LPIN1: variants seen among roughly 807,000 people sequenced by gnomAD.
The protein encoded by LPIN1 is lipin 1.
LPIN1 carries 71 observed loss-of-function variants against 107.5 expected under a neutral mutation model. The observed-to-expected ratio is 0.66, with a 90% CI of 0.55 to 0.80. The LOEUF is 0.80. Ranked by LOEUF, LPIN1 falls within the 30% of genes least tolerant of loss-of-function variation. The pLI is 0.00. For synonymous variants in LPIN1, 445 were observed against 452.6 expected (o/e 0.98, Z 0.21); for missense variants, 1,043 against 1,160.6 (o/e 0.90, Z 1.47).
At position 11,824,754 on chromosome 2, in the gene LPIN1, C is replaced by T. The variant is rs771771801; in HGVS notation, c.2744C>T (p.Pro915Leu). 1.2e-6 allele frequency: 2 copies of T among 1,614,218 alleles called. No individual in the cohort carries two copies. Among genetic ancestry groups the T allele is most frequent in the South Asian group, 1.1e-5 (1 of 91,084 alleles). The change falls in exon 21 of 21, where the codon CCT (proline) becomes CTT (leucine). Residue 915 changes from proline to leucine, a missense_variant. Physicochemically the swap from Pro to Leu is moderately conservative, Grantham distance 98 (BLOSUM62 -3). Coordinates refer to ENST00000674199, the MANE Select transcript of LPIN1 (RefSeq NM_001349206.2). ...ACCTTTTGGAGAGAGCCACTGCCAC[C>T]TTTTGAAAACCAGGACATTCATTCT... Reference protein sequence around the residue: ...NFTFWREPLPPFENQDIHSAS... With the variant: ...NFTFWREPLPLFENQDIHSAS...
intron 14 of LPIN1, among the ~76,000 whole-genome samples, chr2:11,798,236 T>A (rs1401779276): frequency 6.6e-6 from 1 of 152,192 alleles, no homozygotes; most frequent in Non-Finnish European, 1.5e-5. Context: ...TATTTCTTCA[T>A]AGCAGTGTGA....
intron 1 of LPIN1, among the ~76,000 whole-genome samples, chr2:11,694,531 C>G (rs1662474874): frequency 2.0e-5 from 3 of 152,178 alleles, no homozygotes; most frequent in Admixed American, 2.0e-4. Flanking sequence ...AAATCCTGGG[C>G]TGGTTTCCTT....
At chr2:11,731,191 T>G (rs967069918) in intron 1 of LPIN1, among the ~76,000 whole-genome samples, 2 of 152,212 alleles carry the variant, frequency 1.3e-5, no homozygotes, top group African/African-American at 4.8e-5. Flanking sequence ...AAGCCCTGCA[T>G]GCGTTAAGTA....
upstream of LPIN1, among the ~76,000 whole-genome samples, chr2:11,744,034 C>T (rs1666635020): frequency 6.6e-6 from 1 of 152,260 alleles, no homozygotes; most frequent in Non-Finnish European, 1.5e-5. Context: ...CCTTTTTCAT[C>T]CTCAAAGCAG....
intron 1 of LPIN1, among the ~76,000 whole-genome samples, chr2:11,698,910 A>C (rs1662725729): frequency 6.6e-6 from 1 of 152,252 alleles, no homozygotes; most frequent in South Asian, 2.1e-4. Flanking sequence ...CCTTCAAATC[A>C]GCGTCCCCTT....
At chr2:11,731,512 G>T (rs1209561305) in intron 1 of LPIN1, among the ~76,000 whole-genome samples, 3 of 152,132 alleles carry the variant, frequency 2.0e-5, no homozygotes, top group Non-Finnish European at 4.4e-5. Flanking sequence ...CTTTGCTATT[G>T]TAAATAGTGC....
chr2:11,790,114 C>A (rs1385516305), intron 12 of LPIN1, among the ~76,000 whole-genome samples: 1 of 152,134 alleles, frequency 6.6e-6, no homozygotes, highest in Non-Finnish European at 1.5e-5. Context: ...TTCGAAAGAT[C>A]TTAAAATCTT....
At chr2:11,785,596 G>T (rs1170578843) in intron 10 of LPIN1, among the ~76,000 whole-genome samples, 1 of 152,170 alleles carries the variant, frequency 6.6e-6, no homozygotes, top group Non-Finnish European at 1.5e-5. Flanking sequence ...CCCCCAGTGG[G>T]TGCAGTCAGC....
At chr2:11,683,840 C>T (rs1232451123) in intron 1 of LPIN1, among the ~76,000 whole-genome samples, 1 of 152,204 alleles carries the variant, frequency 6.6e-6, no homozygotes, top group Non-Finnish European at 1.5e-5. Context: ...GGCTTGGAAT[C>T]CTGGCTCTGC....
chr2:11,764,103 T>TATACACAC (rs1553422099), intron 1 of LPIN1: 40 of 121,800 alleles, frequency 3.3e-4, no homozygotes, highest in Non-Finnish European at 4.3e-4. Context: ...TATATATATA[T>TATACACAC]ACACACACAC....
At chr2:11,787,944 A>G (rs1305856208) in intron 11 of LPIN1, among the ~76,000 whole-genome samples, 5 of 151,558 alleles carry the variant, frequency 3.3e-5, no homozygotes, top group African/African-American at 1.2e-4. Context: ...CTGTCTCAAA[A>G]AAAAAAAAAA....
rs1682415599 is a variant in LPIN1, at chr2:11,826,653, T to C, written c.*1862T>C. The C allele has an allele frequency of 6.6e-6, 1 of 152,042 alleles. No individual in the cohort carries two copies. The highest frequency in any genetic ancestry group is 2.1e-4 in the South Asian group (1 of 4,824). 9.4% of individuals were successfully genotyped at this position (152,042 alleles called of 1,614,324 possible). ...AATTTTAACTGCTCTGAACTAAGTA[T>C]AAGCTCATGGGCCTGCAAAGGTTCA... On this transcript the variant is annotated 3_prime_UTR_variant, in exon 21 of 21. Transcript: ENST00000674199.
rs994029639 is a variant in LPIN1 at position 11,707,679 on chromosome 2, G to A, written c.82-6077G>A. Among the ~76,000 whole-genome samples the A allele has an allele frequency of 2.0e-5, 3 of 152,270 alleles. No homozygotes were observed. The highest frequency in any genetic ancestry group is 4.1e-4 in the South Asian group (2 of 4,820). On this transcript the variant is annotated intron_variant, in intron 1 of 21. Coordinates refer to the LPIN1 transcript ENST00000449576. This position sits in a 1 kb window ranked among gnomAD's most constrained non-coding sequence, Gnocchi z 4.2. ...GAAGTGCTCGGGGTCCCCCACTGGAGGTGGAGCTGCAGGATTTGCTTGTGA... is the reference window on the plus strand; with the variant it reads ...GAAGTGCTCGGGGTCCCCCACTGGAAGTGGAGCTGCAGGATTTGCTTGTGA...
At chr2:11,708,198 C>G (rs1326140851) in intron 1 of LPIN1, among the ~76,000 whole-genome samples, 1 of 152,178 alleles carries the variant, frequency 6.6e-6, no homozygotes. Flanking sequence ...GTTGGCCCCC[C>G]GACAGCTGGA....
At chr2:11,740,611 T>C (rs553390500) in intron 1 of LPIN1, among the ~76,000 whole-genome samples, 34 of 142,970 alleles carry the variant, frequency 2.4e-4, no homozygotes, top group African/African-American at 8.6e-4. Context: ...TTGAACCTGG[T>C]AGGTGGAGGT....
intron 13 of LPIN1, among the ~76,000 whole-genome samples, chr2:11,794,560 ACAGT>A (rs1676336842): frequency 6.6e-6 from 1 of 152,242 alleles, no homozygotes; most frequent in African/African-American, 2.4e-5. Context: ...ATATGTTAAG[ACAGT>A]CAGCCTATTA....
intron 1 of LPIN1, among the ~76,000 whole-genome samples, chr2:11,754,957 GTCT>G (rs1285843945): frequency 1.3e-5 from 2 of 151,702 alleles, no homozygotes; most frequent in African/African-American, 2.4e-5. Context: ...AATTCCTGCT[GTCT>G]TCTTCATTTC....
intron 1 of LPIN1, among the ~76,000 whole-genome samples, chr2:11,740,148 G>A (rs923550766): frequency 2.6e-5 from 4 of 152,110 alleles, no homozygotes; most frequent in African/African-American, 7.2e-5. Context: ...GTCCAAGCGC[G>A]GGAGAAGGAG....
intron 1 of LPIN1, chr2:11,764,095 T>TACACAC (rs1364604827): frequency 8.2e-6 from 1 of 121,408 alleles, no homozygotes; most frequent in African/African-American, 3.4e-5. Context: ...TATATATATA[T>TACACAC]ATATATATAC....
Sources: gnomAD v4.1 joint callset for allele counts (sites outside exome capture counted in the v4.1 genomes callset) on GRCh38, gnomAD v4.1.1 for gene constraint, Gnocchi (gnomAD v3.1) non-coding constraint, MANE v1.5 for transcripts, NCBI Gene and HGNC (gene_info 2026-07-23, HGNC 2026-07-21) for gene names.